The following ETS1 variants were observed in gnomAD, a reference collection of about 807,000 sequenced individuals.
ETS1 encodes the protein protein C-ets-1.
Under a neutral mutation model 58.6 loss-of-function variants are expected in ETS1, and 15 were observed. The ratio of observed to expected loss-of-function variants is 0.26; its 90% CI spans 0.17 to 0.39. The LOEUF is 0.39. Ranked by LOEUF, ETS1 falls within the 10% of genes least tolerant of loss-of-function variation. The pLI is 1.00. For synonymous variants in ETS1, 214 were observed against 218.2 expected, an observed-to-expected ratio of 0.98 and a Z score of 0.17; for missense variants, 417 against 610.5, an observed-to-expected ratio of 0.68 and a Z score of 3.34.
intron 3 of ETS1, among the ~76,000 whole-genome samples, chr11:128,521,105 T>A (rs1184631939): frequency 6.6e-6 from 1 of 151,926 alleles, no homozygotes. Flanking sequence ...CTCTCTTAAG[T>A]TGCTTAGCAC....
At chr11:128,470,820 G>A (rs1862168311) in intron 8 of ETS1, among the ~76,000 whole-genome samples, 1 of 152,126 alleles carries the variant, frequency 6.6e-6, no homozygotes, top group Non-Finnish European at 1.5e-5. Context: ...GTATACGAAT[G>A]TAAAAATTTT....
intron 1 of ETS1, among the ~76,000 whole-genome samples, chr11:128,579,351 A>G (rs569595851): frequency 2.6e-5 from 4 of 152,264 alleles, no homozygotes; most frequent in African/African-American, 9.6e-5. Context: ...TTGGCTTGGA[A>G]TACAGGAGAC....
At chr11:128,572,542 GA>G (rs1221365819) in intron 2 of ETS1, among the ~76,000 whole-genome samples, 5 of 152,066 alleles carry the variant, frequency 3.3e-5, no homozygotes, top group African/African-American at 1.2e-4. Context: ...CTCACCTATG[GA>G]CAAAAAACTT....
intron 8 of ETS1, among the ~76,000 whole-genome samples, chr11:128,474,219 G>C (rs1862260532): frequency 1.3e-5 from 2 of 152,206 alleles, no homozygotes; most frequent in South Asian, 4.1e-4. Flanking sequence ...AACAGCACCA[G>C]GGTGCAGGAT....
intron 3 of ETS1, among the ~76,000 whole-genome samples, chr11:128,497,379 G>A (rs189963988): frequency 6.6e-6 from 1 of 152,328 alleles, no homozygotes; most frequent in East Asian, 1.9e-4. Flanking sequence ...GCTCCAAATT[G>A]CATGGAGAAG....
intron 7 of ETS1, among the ~76,000 whole-genome samples, chr11:128,484,007 T>G (rs1398661839): frequency 2.0e-5 from 3 of 152,240 alleles, no homozygotes; most frequent in Non-Finnish European, 4.4e-5. Flanking sequence ...GATTGCATTT[T>G]TCTCAGAAAC....
rs1283254008 is a variant in ETS1, at chr11:128,480,173, C to A, written c.1123+18G>T. On this transcript the variant is annotated intron_variant, in intron 8 of 9. Transcript: ENST00000392668. Reference sequence around the variant, plus strand: ...AACGTGCAGATGGAGTTGGCCTAAGCAGCGGGAGGGCGCCTACCTGTGTAG... The same window carrying A: ...AACGTGCAGATGGAGTTGGCCTAAGAAGCGGGAGGGCGCCTACCTGTGTAG... 1 of 1,611,814 alleles carries A rather than the reference C, an allele frequency of 6.2e-7. No homozygotes were observed. The highest frequency in any genetic ancestry group is 8.5e-7 in the Non-Finnish European group (1 of 1,178,904).
chr11:128,531,038 T>A (rs1256373319), intron 3 of ETS1, among the ~76,000 whole-genome samples: 1 of 152,222 alleles, frequency 6.6e-6, no homozygotes, highest in Admixed American at 6.5e-5. Context: ...TGTTTCCAAA[T>A]AGTCCATACA....
intron 3 of ETS1, among the ~76,000 whole-genome samples, chr11:128,539,762 T>C (rs574926054): frequency 1.3e-5 from 2 of 152,318 alleles, no homozygotes; most frequent in South Asian, 2.1e-4. Context: ...AAATGTGCCA[T>C]GGCCATATAA....
rs1403327972 is a variant in ETS1 at position 128,462,676 on chromosome 11, A to AAC, written c.1243-101_1243-100insGT. On this transcript the variant is annotated intron_variant, in intron 9 of 9. Transcript: ENST00000392668. ...GCCTATGCTATACCCATTCATGGTG[A>AAC]CCCATGATGCTCAAGTAAGATGATT... is the stretch of plus-strand genomic sequence containing the variant. 3.7e-6 allele frequency: 3 copies of AAC among 821,908 alleles called. No individual in the cohort carries two copies. The Admixed American group carries it at 7.1e-5, about 19-fold the overall frequency. 50.9% of individuals were successfully genotyped at this position (821,908 alleles called of 1,614,324 possible).
At chr11:128,572,996 A>G in intron 2 of ETS1, 66 bp downstream of exon 2, 1 of 1,306,830 alleles carries the variant, frequency 7.7e-7, no homozygotes, top group Non-Finnish European at 1.1e-6. Context: ...GTCAGGATAC[A>G]GGAAGCACAA....
chr11:128,491,364 A>T (rs897565168), intron 3 of ETS1, among the ~76,000 whole-genome samples: 1 of 152,234 alleles, frequency 6.6e-6, no homozygotes, highest in African/African-American at 2.4e-5. Context: ...ACACAGTTAA[A>T]TGTTCAAATG....
At chr11:128,492,440 C>T (rs1284145334) in intron 3 of ETS1, among the ~76,000 whole-genome samples, 2 of 152,174 alleles carry the variant, frequency 1.3e-5, no homozygotes, top group Non-Finnish European at 2.9e-5. Flanking sequence ...CCTGGAAGAA[C>T]AGAAGGGCTC....
intron 3 of ETS1, among the ~76,000 whole-genome samples, chr11:128,501,969 C>T (rs1021590629): frequency 1.3e-4 from 19 of 151,694 alleles, no homozygotes; most frequent in Non-Finnish European, 2.5e-4. Flanking sequence ...GACCCCTGTA[C>T]AGTGAAATAA....
At chr11:128,569,979 T>G (rs968089344) in intron 2 of ETS1, among the ~76,000 whole-genome samples, 3 of 152,216 alleles carry the variant, frequency 2.0e-5, no homozygotes, top group Non-Finnish European at 4.4e-5. Context: ...TTATTTGGTT[T>G]GAAACCAATG....
Position 128,553,104 on chromosome 11 carries a change from G to T in ETS1, c.214+3187C>A, listed in dbSNP as rs566113892. ...GTAAGAGGCTCCATTGATTCACAAGGTTCCCTAACAGAAGGATGACGAGAA... is the reference window on the plus strand; with the variant it reads ...GTAAGAGGCTCCATTGATTCACAAGTTTCCCTAACAGAAGGATGACGAGAA... On this transcript the variant is annotated intron_variant, in intron 3 of 9. Coordinates refer to ENST00000392668, the MANE Select transcript of ETS1 (RefSeq NM_001143820.2). Among the ~76,000 whole-genome samples, 17 of 152,270 alleles carry T rather than the reference G, an allele frequency of 1.1e-4. No homozygotes were observed. The South Asian group carries it at 1.9e-3, about 17-fold the overall frequency.
chr11:128,558,753 T>C (rs1864357622), intron 2 of ETS1, among the ~76,000 whole-genome samples: 1 of 152,122 alleles, frequency 6.6e-6, no homozygotes, highest in Non-Finnish European at 1.5e-5. Context: ...GCTGGAATGT[T>C]ATTTAATGCT....
At chr11:128,524,487 T>C (rs1863762526) in intron 3 of ETS1, among the ~76,000 whole-genome samples, 1 of 152,222 alleles carries the variant, frequency 6.6e-6, no homozygotes, top group South Asian at 2.1e-4. Flanking sequence ...ACCCTGGATT[T>C]GGATGAAGAG....
chr11:128,496,928 G>A (rs539254389), intron 3 of ETS1, among the ~76,000 whole-genome samples: 2 of 152,220 alleles, frequency 1.3e-5, no homozygotes, highest in East Asian at 1.9e-4. Context: ...TGGGGGACAC[G>A]CAGGACTCTT....
Sources: gnomAD v4.1 joint callset for allele counts (sites outside exome capture counted in the v4.1 genomes callset) on GRCh38, gnomAD v4.1.1 for gene constraint, MANE v1.5 for transcripts, NCBI Gene and HGNC (gene_info 2026-07-23, HGNC 2026-07-21) for gene names.